The following DIP2C variants were observed in gnomAD, a reference collection of about 807,000 sequenced individuals.
The protein encoded by DIP2C is disco-interacting protein 2 homolog C.
DIP2C carries 33 observed loss-of-function variants against 192.4 expected under a neutral mutation model. The observed-to-expected ratio is 0.17, with a 90% CI of 0.13 to 0.23. The LOEUF is 0.23. DIP2C is among the 10% of genes least tolerant of loss of function. DIP2C has a pLI of 1.00. For synonymous variants in DIP2C, 979 were observed against 864.1 expected (o/e 1.13, Z -2.33); for missense variants, 1,537 against 2,110.1 (o/e 0.73, Z 5.32).
At chr10:412,084 ACG>A (rs1965223447) in intron 8 of DIP2C, among the ~76,000 whole-genome samples, 2 of 152,186 alleles carry the variant, frequency 1.3e-5, no homozygotes, top group Admixed American at 1.3e-4. Flanking sequence ...TCTGTGTCTT[ACG>A]TCTCCCATTC....
intron 1 of DIP2C, among the ~76,000 whole-genome samples, chr10:583,855 C>T (rs185265521): frequency 5.9e-5 from 9 of 152,330 alleles, no homozygotes; most frequent in African/African-American, 2.2e-4. Context: ...ACCTGAGGGC[C>T]CACACTGACC....
intron 3 of DIP2C, among the ~76,000 whole-genome samples, chr10:457,420 A>G (rs1380036399): frequency 1.3e-5 from 2 of 152,222 alleles, no homozygotes; most frequent in African/African-American, 4.8e-5. Context: ...CTGAAATACA[A>G]CAGCCCCCTA....
At chr10:490,159 C>A (rs1844329505) in intron 1 of DIP2C, among the ~76,000 whole-genome samples, 3 of 140,222 alleles carry the variant, frequency 2.1e-5, no homozygotes, top group African/African-American at 2.7e-5. Context: ...CTGACAGTGC[C>A]CGAGCCTTCC....
intron 17 of DIP2C, among the ~76,000 whole-genome samples, chr10:378,811 AAATG>A (rs10561647): frequency 0.47 from 69,548 of 149,490 alleles, 16,216 homozygotes; most frequent in East Asian, 0.55. Flanking sequence ...ATAAAGACAC[AAATG>A]AACAGACATG....
At chr10:355,808 G>A (rs910925381) in intron 24 of DIP2C, among the ~76,000 whole-genome samples, 4 of 152,138 alleles carry the variant, frequency 2.6e-5, no homozygotes, top group Non-Finnish European at 5.9e-5. Context: ...TCGGTGTGGT[G>A]ACTCACGCCT....
chr10:422,185 C>T (rs562998345), intron 5 of DIP2C, among the ~76,000 whole-genome samples: 4 of 152,302 alleles, frequency 2.6e-5, no homozygotes, highest in South Asian at 2.1e-4. Context: ...CCTATTCAAC[C>T]CAAGTCCCGT....
At chr10:579,423 C>T (rs1850426820) in intron 1 of DIP2C, among the ~76,000 whole-genome samples, 2 of 151,896 alleles carry the variant, frequency 1.3e-5, no homozygotes, top group Admixed American at 6.6e-5. Context: ...AGCGTATGTA[C>T]ATAGGTACAC....
intron 3 of DIP2C, among the ~76,000 whole-genome samples, chr10:465,371 A>G (rs1205134408): frequency 6.7e-6 from 1 of 149,722 alleles, no homozygotes; most frequent in African/African-American, 2.5e-5. Context: ...TAAATTAGGT[A>G]TTGATGGGAC....
chr10:586,584 CTG>C (rs1279425208), intron 1 of DIP2C, among the ~76,000 whole-genome samples: 4 of 152,204 alleles, frequency 2.6e-5, no homozygotes, highest in African/African-American at 9.7e-5. Context: ...TTCTGTGGCT[CTG>C]AGACATTTAA....
At position 363,594 on chromosome 10, in the gene DIP2C, G is replaced by A. The variant is rs1959804532; in HGVS notation, c.2478-283C>T. Among the ~76,000 whole-genome samples the A allele has an allele frequency of 6.6e-6, 1 of 152,178 alleles. No individual in the cohort carries two copies. Among genetic ancestry groups the A allele is most frequent in the African/African-American group, 2.4e-5 (1 of 41,432 alleles). ...AGGTTGCGCCTTTCGGTACAGAGGG[G>A]CAAATGCGCAATGATCAGACCTGCT... On this transcript the variant is annotated intron_variant, in intron 20 of 36. Coordinates refer to ENST00000280886, the MANE Select transcript of DIP2C (RefSeq NM_014974.3). The surrounding 1 kb of genome is among the most constrained non-coding windows in gnomAD (Gnocchi z 5.4).
intron 1 of DIP2C, among the ~76,000 whole-genome samples, chr10:538,078 C>G (rs1847789473): frequency 6.6e-6 from 1 of 151,976 alleles, no homozygotes. Flanking sequence ...CCACGAGCCA[C>G]CGTGCCTGGC....
At chr10:318,270 G>A (rs911130305) in intron 31 of DIP2C, among the ~76,000 whole-genome samples, 2 of 152,222 alleles carry the variant, frequency 1.3e-5, no homozygotes, top group African/African-American at 4.8e-5. Flanking sequence ...TTGTGGCTCT[G>A]TAGGAAGTAA....
intron 1 of DIP2C, among the ~76,000 whole-genome samples, chr10:492,486 T>C (rs115820734): frequency 0.016 from 2,455 of 152,288 alleles, 69 homozygotes; most frequent in African/African-American, 0.055. Context: ...AGGGTAAACA[T>C]AAAGCCTGCA....
At chr10:536,557 A>C (rs1315384208) in intron 1 of DIP2C, among the ~76,000 whole-genome samples, 5 of 152,222 alleles carry the variant, frequency 3.3e-5, no homozygotes, top group Non-Finnish European at 7.3e-5. Context: ...GGGACACCAC[A>C]GTCCTGGGGG....
intron 1 of DIP2C, among the ~76,000 whole-genome samples, chr10:513,835 A>G (rs1260396572): frequency 6.6e-6 from 1 of 152,268 alleles, no homozygotes; most frequent in Non-Finnish European, 1.5e-5. Flanking sequence ...CAAGAAATAC[A>G]AAGTTTATAC....
At chr10:441,509 C>A (rs1768632600) in intron 3 of DIP2C, among the ~76,000 whole-genome samples, 3 of 152,150 alleles carry the variant, frequency 2.0e-5, no homozygotes, top group Admixed American at 2.0e-4. Context: ...GTGGGAGGGA[C>A]CCAGGAAGAG....
rs1297379163 is a variant in DIP2C at position 480,079 on chromosome 10, G to A, written c.157+6380C>T. Among the ~76,000 whole-genome samples, 8 of 147,662 alleles carry A rather than the reference G, an allele frequency of 5.4e-5. No homozygotes were observed. In the East Asian group the frequency reaches 1.2e-3, roughly 23 times the overall value. ...CACGCTCACTGGATGAGTGTCATCC[G>A]CCAGCCTGAGCTCCGGTCCACGCTC... On this transcript the variant is annotated intron_variant, in intron 2 of 36. Transcript: ENST00000280886.
At chr10:357,385 G>A (rs889645746) in intron 23 of DIP2C, among the ~76,000 whole-genome samples, 2 of 152,206 alleles carry the variant, frequency 1.3e-5, no homozygotes, top group Admixed American at 6.5e-5. Flanking sequence ...TGGGCAGGGT[G>A]GGCTTTGAAT....
chr10:294,126 G>A (rs1955629656), intron 32 of DIP2C, among the ~76,000 whole-genome samples: 1 of 152,132 alleles, frequency 6.6e-6, no homozygotes, highest in African/African-American at 2.4e-5. Context: ...TCGGGTGGAA[G>A]AGAGCTCTGT....
Sources: allele counts gnomAD v4.1 joint callset (sites outside exome capture counted in the v4.1 genomes callset), GRCh38; gene constraint gnomAD v4.1.1; non-coding constraint Gnocchi (gnomAD v3.1); transcripts MANE v1.5; gene names NCBI Gene and HGNC (gene_info 2026-07-23, HGNC 2026-07-21).